The following OMA1 variants were observed in gnomAD, a reference collection of about 807,000 sequenced individuals.
OMA1 encodes the protein metalloendopeptidase OMA1, mitochondrial.
A neutral mutation model predicts 30.9 loss-of-function variants in OMA1; 38 were observed. That is an observed-to-expected ratio of 1.23 (90% CI 0.95 to 1.61). The LOEUF is 1.61. Among genes scored for constraint, OMA1 ranks in the 40% most tolerant of loss-of-function variants. The pLI is 0.00. For missense variants in OMA1, 461 were observed against 349.2 expected (o/e 1.32, Z -2.55); for synonymous variants, 173 against 121.9 (o/e 1.42, Z -2.76).
intron 7 of OMA1, among the ~76,000 whole-genome samples, chr1:58,521,974 G>A (rs999916724): frequency 3.3e-5 from 5 of 152,096 alleles, no homozygotes; most frequent in African/African-American, 4.8e-5. Context: ...AATTCTAGGC[G>A]ACTATCTCCT....
At chr1:58,544,023 A>G (rs1322929321) in intron 1 of OMA1, among the ~76,000 whole-genome samples, 16 of 152,224 alleles carry the variant, frequency 1.1e-4, no homozygotes, top group Admixed American at 4.6e-4. Flanking sequence ...AGGCAAGTGA[A>G]TATCAGCAAA....
chr1:58,536,805 A>T (rs1350616647), intron 2 of OMA1, 64 bp from the exon 3 acceptor site: 2 of 794,300 alleles, frequency 2.5e-6, no homozygotes, highest in Non-Finnish European at 2.2e-6. Context: ...TAAAGCTCAA[A>T]TGCATACACT....
intron 7 of OMA1, among the ~76,000 whole-genome samples, chr1:58,518,380 AAAG>A (rs1409924895): frequency 6.7e-6 from 1 of 148,236 alleles, no homozygotes; most frequent in African/African-American, 2.5e-5. Context: ...GAAGGGAAGA[AAAG>A]AAAAGAAAAA....
intron 7 of OMA1, among the ~76,000 whole-genome samples, chr1:58,520,983 C>T (rs1347222127): frequency 6.6e-6 from 1 of 152,098 alleles, no homozygotes; most frequent in Non-Finnish European, 1.5e-5. Flanking sequence ...GAACACCACC[C>T]GCAATGGCAG....
intron 2 of OMA1, among the ~76,000 whole-genome samples, chr1:58,537,146 T>C (rs1646531306): frequency 6.6e-6 from 1 of 151,858 alleles, no homozygotes; most frequent in East Asian, 1.9e-4. Flanking sequence ...GAAGATAAAA[T>C]TGTTAGGTAA....
rs1404857980 is a variant in OMA1 at position 58,538,777 on chromosome 1, T to G, written c.500+18A>C. The G allele has an allele frequency of 5.4e-6, 4 of 736,070 alleles. No homozygotes were observed. Among genetic ancestry groups the G allele is most frequent in the Non-Finnish European group, 6.9e-6 (3 of 437,116 alleles). The allele number at this position is 736,070 out of a possible 1,614,324, so 45.6% of individuals were successfully genotyped here. A position where few individuals can be genotyped will look rare whatever the true frequency, so the allele number is the denominator to read the frequency against. On this transcript the variant is annotated intron_variant, in intron 2 of 8. Transcript: ENST00000371226. Reference sequence around the variant, plus strand: ...AAAAAGTTAATATAAAAGTTTTTATTCTAAAAAAGCATTTTACCTGCCTAC... The same window carrying G: ...AAAAAGTTAATATAAAAGTTTTTATGCTAAAAAAGCATTTTACCTGCCTAC...
intron 3 of OMA1, among the ~76,000 whole-genome samples, chr1:58,536,118 A>T (rs1163172731): frequency 2.6e-5 from 4 of 152,218 alleles, no homozygotes; most frequent in Non-Finnish European, 5.9e-5. Context: ...ATGCAGAGAA[A>T]AAAAGCCTAG....
chr1:58,488,063 ATTTCT>A (rs1366049597), intron 8 of OMA1, among the ~76,000 whole-genome samples: 1 of 152,076 alleles, frequency 6.6e-6, no homozygotes, highest in Non-Finnish European at 1.5e-5. Context: ...ATAGTTCTAT[ATTTCT>A]TTTCTCTTTT....
intron 5 of OMA1, among the ~76,000 whole-genome samples, chr1:58,532,590 C>G (rs1043412126): frequency 6.6e-6 from 1 of 152,070 alleles, no homozygotes; most frequent in Non-Finnish European, 1.5e-5. Flanking sequence ...TGCAGTGGTG[C>G]GATCATGGCT....
At chr1:58,527,233 A>T (rs777030623) in intron 7 of OMA1, 28 bp downstream of exon 7, 5 of 868,758 alleles carry the variant, frequency 5.8e-6, no homozygotes, top group Non-Finnish European at 1.0e-5. Context: ...GAAGGGCATT[A>T]TGTATTCTCA....
chr1:58,528,066 G>A (rs972687484), intron 6 of OMA1, among the ~76,000 whole-genome samples: 2 of 152,246 alleles, frequency 1.3e-5, no homozygotes, highest in African/African-American at 4.8e-5. Context: ...CCACATGTCT[G>A]TGATGGCCTG....
intron 7 of OMA1, among the ~76,000 whole-genome samples, chr1:58,510,781 G>A (rs1269766205): frequency 4.6e-5 from 7 of 151,874 alleles, no homozygotes; most frequent in African/African-American, 1.5e-4. Flanking sequence ...AGTAAAGTTA[G>A]TATACAAAAA....
At chr1:58,498,807 ATTCT>A (rs1376697533) in intron 8 of OMA1, among the ~76,000 whole-genome samples, 2 of 152,186 alleles carry the variant, frequency 1.3e-5, no homozygotes, top group African/African-American at 4.8e-5. Context: ...TAAAAAAATT[ATTCT>A]TTAATTCATT....
At chr1:58,543,964 A>G (rs1240910819) in intron 1 of OMA1, among the ~76,000 whole-genome samples, 1 of 152,214 alleles carries the variant, frequency 6.6e-6, no homozygotes, top group African/African-American at 2.4e-5. Flanking sequence ...TTAAATGGCC[A>G]TATGTGGCTA....
At chr1:58,513,436 A>G (rs1290749102) in intron 7 of OMA1, among the ~76,000 whole-genome samples, 5 of 152,176 alleles carry the variant, frequency 3.3e-5, no homozygotes, top group African/African-American at 4.8e-5. Context: ...CATTGCTTCA[A>G]TAAAATTATT....
At chr1:58,489,397 G>A (rs1645635691) in intron 8 of OMA1, among the ~76,000 whole-genome samples, 1 of 152,224 alleles carries the variant, frequency 6.6e-6, no homozygotes, top group African/African-American at 2.4e-5. Flanking sequence ...GCTGGGGGAG[G>A]GGTGCCTGCC....
At chr1:58,533,622 C>A (rs1646470772) in intron 5 of OMA1, among the ~76,000 whole-genome samples, 2 of 152,100 alleles carry the variant, frequency 1.3e-5, no homozygotes, top group African/African-American at 4.8e-5. Flanking sequence ...AATTAATTTT[C>A]TGACTAGATT....
intron 8 of OMA1, among the ~76,000 whole-genome samples, chr1:58,495,462 T>A (rs1432519550): frequency 6.6e-6 from 1 of 152,138 alleles, no homozygotes; most frequent in African/African-American, 2.4e-5. Context: ...TAGTTTCTCA[T>A]GCCACTTAAA....
intron 8 of OMA1, among the ~76,000 whole-genome samples, chr1:58,494,654 A>G (rs926967324): frequency 9.2e-5 from 14 of 152,290 alleles, no homozygotes; most frequent in Non-Finnish European, 1.8e-4. Context: ...TGCAGCCAAA[A>G]GACACATGAA....
Sources: allele counts gnomAD v4.1 joint callset (sites outside exome capture counted in the v4.1 genomes callset), GRCh38; gene constraint gnomAD v4.1.1; transcripts MANE v1.5; gene names NCBI Gene and HGNC (gene_info 2026-07-23, HGNC 2026-07-21).